NAPB: variants seen among roughly 807,000 people sequenced by gnomAD.
NAPB encodes beta-soluble NSF attachment protein.
NAPB carries 26 observed loss-of-function variants against 44.7 expected under a neutral mutation model. The ratio of observed to expected loss-of-function variants is 0.58; its 90% CI spans 0.43 to 0.81. NAPB has a LOEUF of 0.81. Ranked by LOEUF, NAPB falls within the 30% of genes least tolerant of loss-of-function variation. The probability of loss-of-function intolerance (pLI) is 0.00; values close to 1 mark genes in which losing one functional copy is unlikely to be tolerated. For missense variants in NAPB, 315 were observed against 356.4 expected (o/e 0.88, Z 0.94); for synonymous variants, 120 against 116.8 (o/e 1.03, Z -0.18).
intron 1 of NAPB, among the ~76,000 whole-genome samples, chr20:23,419,122 C>A (rs537099908): frequency 1.3e-5 from 2 of 152,276 alleles, no homozygotes; most frequent in African/African-American, 2.4e-5. Context: ...ATAAACATAA[C>A]CTCACTGAAC....
At chr20:23,384,120 C>T (rs1253393307) in intron 7 of NAPB, among the ~76,000 whole-genome samples, 2 of 152,140 alleles carry the variant, frequency 1.3e-5, no homozygotes, top group Non-Finnish European at 2.9e-5. Context: ...GAATTCAACA[C>T]CCATATAAAT....
intron 7 of NAPB, among the ~76,000 whole-genome samples, chr20:23,385,501 T>C (rs1983425720): frequency 6.6e-6 from 1 of 152,138 alleles, no homozygotes; most frequent in South Asian, 2.1e-4. Flanking sequence ...GGCTCACACC[T>C]GTAATCCTGG....
intron 2 of NAPB, among the ~76,000 whole-genome samples, chr20:23,402,515 C>A (rs536144635): frequency 6.6e-6 from 1 of 152,260 alleles, no homozygotes; most frequent in East Asian, 1.9e-4. Flanking sequence ...CCAAACCCCA[C>A]TTTCAGTTCT....
At chr20:23,392,636 G>C (rs1202634206) in intron 5 of NAPB, among the ~76,000 whole-genome samples, 1 of 151,954 alleles carries the variant, frequency 6.6e-6, no homozygotes, top group Non-Finnish European at 1.5e-5. Flanking sequence ...ACTCCAACCT[G>C]TCCAGCCTGT....
At chr20:23,394,834 A>C (rs907819836) in intron 5 of NAPB, 88 bp downstream of exon 5, 12 of 1,344,926 alleles carry the variant, frequency 8.9e-6, no homozygotes, top group Middle Eastern at 1.8e-4. Context: ...CTCTACACCT[A>C]CGATCACTCT....
At chr20:23,395,450 C>T (rs1231939314) in intron 3 of NAPB, among the ~76,000 whole-genome samples, 1 of 152,162 alleles carries the variant, frequency 6.6e-6, no homozygotes, top group East Asian at 1.9e-4. Context: ...AAAGTGAGGA[C>T]TCCATCCAGG....
intron 7 of NAPB, among the ~76,000 whole-genome samples, chr20:23,387,868 T>C (rs1334725532): frequency 6.6e-6 from 1 of 152,180 alleles, no homozygotes; most frequent in Non-Finnish European, 1.5e-5. Flanking sequence ...GCCCAGATAT[T>C]TGGTGTTATT....
At chr20:23,395,309 G>T in intron 3 of NAPB, 124 bp from the exon 4 acceptor site, 1 of 941,160 alleles carries the variant, frequency 1.1e-6, no homozygotes, top group Non-Finnish European at 1.6e-6. Context: ...TGGAGGGTGG[G>T]CAGGTTAATG....
At chr20:23,416,151 G>A (rs1042476677) in intron 1 of NAPB, among the ~76,000 whole-genome samples, 3 of 152,136 alleles carry the variant, frequency 2.0e-5, no homozygotes, top group African/African-American at 7.2e-5. Flanking sequence ...GGCTGGGTGA[G>A]GTGTTAGCCA....
intron 7 of NAPB, among the ~76,000 whole-genome samples, chr20:23,387,523 A>G (rs1037983353): frequency 2.0e-5 from 3 of 152,234 alleles, no homozygotes; most frequent in Admixed American, 1.3e-4. Context: ...ATTAGAGCTA[A>G]TAAGTTTGGC....
At chr20:23,389,249 A>C (rs574327770) in intron 7 of NAPB, among the ~76,000 whole-genome samples, 2,145 of 151,436 alleles carry the variant, frequency 0.014, 55 homozygotes, top group African/African-American at 0.05. Context: ...AAAAAAAAAA[A>C]AAACCAAAAC....
rs540029658 is a variant in NAPB, at chr20:23,410,732, C to T, written c.99-7660G>A. ...ATATTAAAATAAAAATGAGCCATAC[C>T]AAAAAAGCCCCAAAACAAAAAAGAA... On this transcript the variant is annotated intron_variant, in intron 1 of 10. Coordinates refer to ENST00000377026, the MANE Select transcript of NAPB (RefSeq NM_022080.3). Among the ~76,000 whole-genome samples the T allele has an allele frequency of 2.6e-3, 394 of 151,936 alleles. 4 individuals carry two copies. The highest frequency in any genetic ancestry group is 3.9e-3 in the Non-Finnish European group (265 of 67,944).
chr20:23,386,160 G>A (rs1427164771), intron 7 of NAPB, among the ~76,000 whole-genome samples: 1 of 152,106 alleles, frequency 6.6e-6, no homozygotes, highest in Non-Finnish European at 1.5e-5. Context: ...AAATTGGGAA[G>A]TAGCCAAATG....
At chr20:23,421,025 G>C (rs972615346) in intron 1 of NAPB, among the ~76,000 whole-genome samples, 10 of 151,232 alleles carry the variant, frequency 6.6e-5, no homozygotes, top group African/African-American at 2.4e-4. Context: ...CGTGGGGGCT[G>C]AGAGCCCCTG....
At chr20:23,377,568 A>C (rs1600553359) in intron 10 of NAPB, 82 bp from the exon 11 acceptor site, 1 of 697,102 alleles carries the variant, frequency 1.4e-6, no homozygotes. Context: ...AGCTGTTTAT[A>C]CCTTTACAGC....
Position 23,414,510 on chromosome 20 carries a change from T to G in NAPB, c.98+6795A>C, listed in dbSNP as rs372733181. On this transcript the variant is annotated intron_variant, in intron 1 of 10. Coordinates refer to ENST00000377026, the MANE Select transcript of NAPB (RefSeq NM_022080.3). ...CAGATATTCAAAAAGGCCTTCAAAA[T>G]ACAACACTAATCCCTAATGAATACA... 3.3e-5 allele frequency among the ~76,000 whole-genome samples: 5 copies of G among 152,096 alleles called. No individual in the cohort carries two copies. In the East Asian group the frequency reaches 7.7e-4, roughly 23 times the overall value.
At chr20:23,395,515 T>G (rs1984295050) in intron 3 of NAPB, among the ~76,000 whole-genome samples, 1 of 152,226 alleles carries the variant, frequency 6.6e-6, no homozygotes, top group South Asian at 2.1e-4. Context: ...CCAACACTGA[T>G]AAATTGTATC....
At chr20:23,400,985 GA>G (rs974744187) in intron 2 of NAPB, among the ~76,000 whole-genome samples, 202 of 142,982 alleles carry the variant, frequency 1.4e-3, no homozygotes, top group East Asian at 0.011. Flanking sequence ...GTTGGAGAAA[GA>G]AAAAAAAAAA....
At chr20:23,385,489 G>A (rs1568605287) in intron 7 of NAPB, among the ~76,000 whole-genome samples, 1 of 152,178 alleles carries the variant, frequency 6.6e-6, no homozygotes, top group Non-Finnish European at 1.5e-5. Context: ...GCCAATCGCA[G>A]TGGCTCACAC....
Sources: allele counts gnomAD v4.1 joint callset (sites outside exome capture counted in the v4.1 genomes callset), GRCh38; gene constraint gnomAD v4.1.1; transcripts MANE v1.5; gene names NCBI Gene and HGNC (gene_info 2026-07-23, HGNC 2026-07-21).